Variants in ACTR2 observed in about 807,000 individuals in gnomAD.
The protein encoded by ACTR2 is actin related protein 2.
ACTR2 carries 5 observed loss-of-function variants against 50.2 expected under a neutral mutation model. The ratio of observed to expected loss-of-function variants is 0.10; its 90% CI spans 0.05 to 0.21. The LOEUF (loss-of-function observed/expected upper bound fraction) is 0.21. Ranked by LOEUF, ACTR2 falls within the 10% of genes least tolerant of loss-of-function variation. The pLI is 1.00. For missense variants in ACTR2, 180 were observed against 480.6 expected (o/e 0.37, Z 5.85); for synonymous variants, 140 against 162.9 (o/e 0.86, Z 1.07).
intron 3 of ACTR2, among the ~76,000 whole-genome samples, chr2:65,248,886 G>A (rs769241913): frequency 6.6e-6 from 1 of 152,126 alleles, no homozygotes. Context: ...AGTGGTGCAC[G>A]CCTGTAATCC....
At chr2:65,234,390 T>G (rs548332780) in intron 1 of ACTR2, among the ~76,000 whole-genome samples, 45 of 152,372 alleles carry the variant, frequency 3.0e-4, no homozygotes, top group African/African-American at 1.1e-3. Context: ...GTTTTATTAA[T>G]AAGTGATTGA....
At chr2:65,237,387 A>G (rs1019524621) in intron 1 of ACTR2, among the ~76,000 whole-genome samples, 1 of 152,018 alleles carries the variant, frequency 6.6e-6, no homozygotes, top group Non-Finnish European at 1.5e-5. Context: ...CACATGCCAC[A>G]ATGCCTGGCC....
At chr2:65,250,936 C>A in intron 3 of ACTR2, 91 bp from the exon 4 acceptor site, 2 of 778,262 alleles carry the variant, frequency 2.6e-6, no homozygotes. Context: ...CTATTTTGGG[C>A]AATTAATTCA....
At chr2:65,263,923 C>T (rs565665632) in intron 7 of ACTR2, among the ~76,000 whole-genome samples, 1 of 152,038 alleles carries the variant, frequency 6.6e-6, no homozygotes, top group Non-Finnish European at 1.5e-5. Flanking sequence ...GGTGTGGTGA[C>T]GGGTGCCTGT....
chr2:65,242,200 C>T (rs1411353655), intron 2 of ACTR2: 1 of 656,672 alleles, frequency 1.5e-6, no homozygotes, highest in East Asian at 2.5e-5. Flanking sequence ...TGATTTTTAA[C>T]CTTTTTCATT....
intron 8 of ACTR2, among the ~76,000 whole-genome samples, chr2:65,268,131 A>G (rs9309372): frequency 0.098 from 14,853 of 151,980 alleles, 803 homozygotes; most frequent in Middle Eastern, 0.17. Context: ...CACCACACCC[A>G]GCCATGCAAG....
chr2:65,265,425 G>A (rs1444314905), intron 8 of ACTR2, among the ~76,000 whole-genome samples: 1 of 152,188 alleles, frequency 6.6e-6, no homozygotes, highest in Non-Finnish European at 1.5e-5. Flanking sequence ...CAACCAGCAC[G>A]GACTCTGAGG....
intron 5 of ACTR2, among the ~76,000 whole-genome samples, chr2:65,254,944 T>C (rs1159884837): frequency 6.6e-6 from 1 of 152,232 alleles, no homozygotes; most frequent in Non-Finnish European, 1.5e-5. Flanking sequence ...AGAGGATTTT[T>C]TTTTTATTTG....
intron 7 of ACTR2, among the ~76,000 whole-genome samples, chr2:65,264,609 C>A (rs1217490855): frequency 6.6e-6 from 1 of 151,922 alleles, no homozygotes; most frequent in Non-Finnish European, 1.5e-5. Context: ...AGCAGACAGC[C>A]TCTAAGCAAA....
In ACTR2 at chr2:65,239,522, G is replaced by A. The variant is rs371805099; in HGVS notation, c.49-330G>A. On this transcript the variant is annotated intron_variant, in intron 1 of 8. Coordinates refer to ENST00000260641, the MANE Select transcript of ACTR2 (RefSeq NM_005722.4). ...TGTCCATCCCACAGATACTTCTGGA[G>A]TGAGCACTGTGTGCCAGGAGCTCTG... Among the ~76,000 whole-genome samples the A allele has an allele frequency of 2.2e-4, 34 of 152,366 alleles. 2 individuals carry two copies. In the South Asian group the frequency reaches 6.4e-3, roughly 29 times the overall value.
At chr2:65,268,246 CAGT>C (rs1672422353) in intron 8 of ACTR2, among the ~76,000 whole-genome samples, 1 of 152,056 alleles carries the variant, frequency 6.6e-6, no homozygotes, top group Non-Finnish European at 1.5e-5. Flanking sequence ...TTTGGTCTCT[CAGT>C]AGGGTGTTAA....
At chr2:65,242,605 A>T (rs368345961) in intron 2 of ACTR2, 1 of 499,010 alleles carries the variant, frequency 2.0e-6, no homozygotes, top group Non-Finnish European at 4.0e-6. Context: ...ATCCTTACTG[A>T]TGAGCAGATT....
chr2:65,230,883 G>A (rs562497530), intron 1 of ACTR2, among the ~76,000 whole-genome samples: 234 of 151,888 alleles, frequency 1.5e-3, no homozygotes, highest in Non-Finnish European at 2.4e-3. Flanking sequence ...GTGAAACCCC[G>A]TGTCTACTAA....
At chr2:65,259,920 G>A (rs144216593) in intron 6 of ACTR2, among the ~76,000 whole-genome samples, 255 of 152,290 alleles carry the variant, frequency 1.7e-3, no homozygotes, top group African/African-American at 5.7e-3. Flanking sequence ...TGAACATGAT[G>A]TGTGACTGAC....
intron 5 of ACTR2, 143 bp downstream of exon 5, chr2:65,254,007 A>C: frequency 3.0e-6 from 2 of 657,732 alleles, no homozygotes; most frequent in South Asian, 2.2e-5. Flanking sequence ...TTTATATAAA[A>C]ATTCATATAA....
rs758838330 is a variant in ACTR2, at chr2:65,239,998, CAT to C, written c.159+37_159+38del. ...ATTTATTGATAAATGATAATCAAGA[CAT>C]GTGAGGTGTTCTTATAAAAGTAGTT... On this transcript the variant is annotated intron_variant, in intron 2 of 8. Transcript: ENST00000260641. The C allele has an allele frequency of 4.0e-5, 54 of 1,344,820 alleles. No homozygotes were observed. In the East Asian group the frequency reaches 4.4e-4, roughly 11 times the overall value. The allele number at this position is 1,344,820 out of a possible 1,614,324, so 83.3% of individuals were successfully genotyped here.
At chr2:65,242,287 T>A (rs930458852) in intron 2 of ACTR2, among the ~76,000 whole-genome samples, 1 of 152,226 alleles carries the variant, frequency 6.6e-6, no homozygotes, top group African/African-American at 2.4e-5. Context: ...AACTAATTAC[T>A]AACATAGTTT....
chr2:65,249,309 A>G (rs1672000694), intron 3 of ACTR2, among the ~76,000 whole-genome samples: 1 of 152,204 alleles, frequency 6.6e-6, no homozygotes, highest in East Asian at 1.9e-4. Context: ...CAGTTTTTGT[A>G]TTAAGTGTTT....
At chr2:65,230,171 G>C (rs1671608183) in intron 1 of ACTR2, among the ~76,000 whole-genome samples, 1 of 152,116 alleles carries the variant, frequency 6.6e-6, no homozygotes, top group South Asian at 2.1e-4. Context: ...TTTTAAAAAA[G>C]TATTAGCCTG....
Sources: gnomAD v4.1 joint callset for allele counts (sites outside exome capture counted in the v4.1 genomes callset) on GRCh38, gnomAD v4.1.1 for gene constraint, MANE v1.5 for transcripts, NCBI Gene and HGNC (gene_info 2026-07-23, HGNC 2026-07-21) for gene names.